Variants in GTF3C4 observed in about 807,000 individuals in gnomAD.
GTF3C4 encodes general transcription factor 3C polypeptide 4.
In GTF3C4, 28 loss-of-function variants were observed where a neutral mutation model predicts 67.5. The ratio of observed to expected loss-of-function variants is 0.41; its 90% CI spans 0.31 to 0.57. The LOEUF is 0.57. GTF3C4 is among the 20% of genes least tolerant of loss of function. GTF3C4 has a pLI of 0.21. For missense variants in GTF3C4, 831 were observed against 1,033.2 expected, an observed-to-expected ratio of 0.80 and a Z score of 2.68; for synonymous variants, 409 against 393.0, an observed-to-expected ratio of 1.04 and a Z score of -0.48.
At position 132,692,606 on chromosome 9, in the gene GTF3C4, CTGT is replaced by C. The variant is rs1288962447; in HGVS notation, c.*3663_*3665del. On this transcript the variant is annotated 3_prime_UTR_variant, in exon 5 of 5. Transcript: ENST00000372146. ...GTCTTTACAATTAGCCCACCATGGA[CTGT>C]TTTGAGTCTCTGCATGGTTTCCATA... The C allele has an allele frequency of 6.7e-6, 1 of 149,680 alleles. No individual in the cohort carries two copies. Among genetic ancestry groups the C allele is most frequent in the African/African-American group, 2.4e-5 (1 of 41,154 alleles). 9.3% of individuals were successfully genotyped at this position (149,680 alleles called of 1,614,324 possible).
chr9:132,676,009 C>T (rs1270832484), intron 1 of GTF3C4, among the ~76,000 whole-genome samples: 1 of 148,392 alleles, frequency 6.7e-6, no homozygotes. Flanking sequence ...TGCCATTCTC[C>T]TTCCTCAGCC....
Position 132,679,305 on chromosome 9 carries a change from A to C in GTF3C4, c.1686A>C (p.Glu562Asp). 6.2e-7 allele frequency: 1 copy of C among 1,614,084 alleles called. No individual in the cohort carries two copies. Among genetic ancestry groups the C allele is most frequent in the Non-Finnish European group, 8.5e-7 (1 of 1,180,014 alleles). ...CTCAATTTTTACAAGAAGCTTTGGAAAAAAAGATTGAAAGCAGTGGAGTCA... is the reference window on the plus strand; with the variant it reads ...CTCAATTTTTACAAGAAGCTTTGGACAAAAAGATTGAAAGCAGTGGAGTCA... ...HIPQFLQEAL[E>D]KKIESSGVTY... The change falls in exon 2 of 5, where the codon GAA becomes GAC. Residue 562 changes from glutamate (E) to aspartate (D), a missense_variant. Physicochemically the swap from Glu to Asp is conservative, Grantham distance 45 (BLOSUM62 2). Coordinates refer to ENST00000372146, the MANE Select transcript of GTF3C4 (RefSeq NM_012204.4). This position sits in a 1 kb window ranked among gnomAD's most constrained non-coding sequence, Gnocchi z 5.9.
At position 132,694,797 on chromosome 9, in the gene GTF3C4, G is replaced by C. The variant is rs1468640393; in HGVS notation, c.*5852G>C. Reference sequence around the variant, plus strand: ...ATTGCTTACATGATTCTGGTACTTAGAGTCTAATAGAGTTGCTGTGAATAT... The same window carrying C: ...ATTGCTTACATGATTCTGGTACTTACAGTCTAATAGAGTTGCTGTGAATAT... On this transcript the variant is annotated 3_prime_UTR_variant, in exon 5 of 5. Coordinates refer to ENST00000372146, the MANE Select transcript of GTF3C4 (RefSeq NM_012204.4). 1 of 152,172 alleles carries C rather than the reference G, an allele frequency of 6.6e-6. No individual in the cohort carries two copies. The highest frequency in any genetic ancestry group is 2.4e-5 in the African/African-American group (1 of 41,422). The allele number at this position is 152,172 out of a possible 1,614,324, so 9.4% of individuals were successfully genotyped here. A position where few individuals can be genotyped will look rare whatever the true frequency, so the allele number is the denominator to read the frequency against.
chr9:132,682,250 A>C (rs948508502), intron 2 of GTF3C4, among the ~76,000 whole-genome samples: 1 of 152,198 alleles, frequency 6.6e-6, no homozygotes, highest in African/African-American at 2.4e-5. Flanking sequence ...TAGAATTCTT[A>C]AGACTGAAAA....
In GTF3C4 at chr9:132,691,519, C is replaced by G. The variant is rs905314241; in HGVS notation, c.*2574C>G. ...CATGTAAAGCACAGGAGCAAAGATT[C>G]GATACAATTAGACCCTTTAAGCTAC... is the stretch of plus-strand genomic sequence containing the variant. On this transcript the variant is annotated 3_prime_UTR_variant, in exon 5 of 5. Transcript: ENST00000372146. 5.3e-5 allele frequency: 8 copies of G among 152,248 alleles called. No homozygotes were observed. In the East Asian group the frequency reaches 1.5e-3, roughly 29 times the overall value. 9.4% of individuals were successfully genotyped at this position (152,248 alleles called of 1,614,324 possible). A position where few individuals can be genotyped will look rare whatever the true frequency, so the allele number is the denominator to read the frequency against.
Position 132,670,953 on chromosome 9 carries a change from A to C in GTF3C4, c.355A>C (p.Lys119Gln). ...CGCACCGCTCAACAGCTGTCTCCTC[A>C]AAGTAAGTCATCCCCCGCCATCCCT... ...VPAPLNSCLLKVGSKTEVAEC... is the reference protein window; with the variant it reads ...VPAPLNSCLLQVGSKTEVAEC... The change falls in exon 1 of 5, where the codon AAA (lysine) becomes CAA (glutamine). Residue 119 changes from lysine to glutamine, a missense_variant and splice_region_variant. By Grantham distance (53) the Lys-to-Gln change is moderately conservative. Coordinates refer to ENST00000372146, the MANE Select transcript of GTF3C4 (RefSeq NM_012204.4). 7 of 1,601,570 alleles carry C rather than the reference A, an allele frequency of 4.4e-6. No homozygotes were observed. The highest frequency in any genetic ancestry group is 6.0e-6 in the Non-Finnish European group (7 of 1,170,628).
Position 132,678,183 on chromosome 9 carries a change from C to CA in GTF3C4, c.566dup (p.Asn189LysfsTer19). On this transcript the variant is annotated frameshift_variant, in exon 2 of 5. Coordinates refer to ENST00000372146, the MANE Select transcript of GTF3C4 (RefSeq NM_012204.4). LOFTEE classifies it high-confidence loss of function. The surrounding 1 kb of genome is among the most constrained non-coding windows in gnomAD (Gnocchi z 6.5). ...GCCTCTTGGCAGCACTGACCATGGA[C>CA]AATCGCCTGACCATCCAGGCAAATC... The CA allele has an allele frequency of 6.2e-7, 1 of 1,614,240 alleles. No homozygotes were observed. The highest frequency in any genetic ancestry group is 8.5e-7 in the Non-Finnish European group (1 of 1,180,024).
At chr9:132,682,793 C>T (rs565960916) in intron 2 of GTF3C4, among the ~76,000 whole-genome samples, 21 of 151,950 alleles carry the variant, frequency 1.4e-4, no homozygotes, top group East Asian at 5.8e-4. Context: ...TTAGTAGAGA[C>T]GGGGTTTCAC....
At chr9:132,685,264 A>G (rs1157930923) in intron 3 of GTF3C4, among the ~76,000 whole-genome samples, 1 of 149,752 alleles carries the variant, frequency 6.7e-6, no homozygotes, top group East Asian at 2.0e-4. Flanking sequence ...CAAGTGATCC[A>G]CCCACCTTGG....
chr9:132,682,453 G>C (rs1446696115), intron 2 of GTF3C4, among the ~76,000 whole-genome samples: 1 of 151,564 alleles, frequency 6.6e-6, no homozygotes, highest in Non-Finnish European at 1.5e-5. Context: ...AAACTAGAAG[G>C]GCGCTATCAC....
intron 1 of GTF3C4, among the ~76,000 whole-genome samples, chr9:132,674,898 G>T (rs1031323573): frequency 5.3e-5 from 8 of 152,194 alleles, no homozygotes; most frequent in Non-Finnish European, 1.0e-4. Flanking sequence ...AGGCATGGTG[G>T]TGTGCACCTG....
chr9:132,670,516 C>G lies in GTF3C4; in HGVS notation c.-83C>G, dbSNP rs948318268. 1.0e-5 allele frequency: 12 copies of G among 1,151,258 alleles called. No homozygotes were observed. Among genetic ancestry groups the G allele is most frequent in the Admixed American group, 7.5e-5 (2 of 26,808 alleles). 71.3% of individuals were successfully genotyped at this position (1,151,258 alleles called of 1,614,324 possible). ...GGGGAGAAAACCGCCGCGGAGGGCG[C>G]TGGGGGTGGCGGCGGCGGTCCGGGA... On this transcript the variant is annotated 5_prime_UTR_variant, in exon 1 of 5. Coordinates refer to ENST00000372146, the MANE Select transcript of GTF3C4 (RefSeq NM_012204.4).
Position 132,691,131 on chromosome 9 carries a change from G to A in GTF3C4, c.*2186G>A, listed in dbSNP as rs505086. 72,447 of 151,970 alleles carry A rather than the reference G, an allele frequency of 0.48. 18,023 individuals carry two copies. Among genetic ancestry groups the A allele is most frequent in the African/African-American group, 0.61 (25,347 of 41,410 alleles). The allele number at this position is 151,970 out of a possible 1,614,324, so 9.4% of individuals were successfully genotyped here. ...ATCTAGCCACCACCTGCCTCCCCCA[G>A]GTTTCCACACACCCAGTTGGAAGGC... On this transcript the variant is annotated 3_prime_UTR_variant, in exon 5 of 5. Coordinates refer to ENST00000372146, the MANE Select transcript of GTF3C4 (RefSeq NM_012204.4).
At chr9:132,676,286 G>A (rs1835863812) in intron 1 of GTF3C4, among the ~76,000 whole-genome samples, 1 of 149,994 alleles carries the variant, frequency 6.7e-6, no homozygotes, top group South Asian at 2.1e-4. Flanking sequence ...AGGCTTAATG[G>A]TCTGTAGTTT....
chr9:132,672,473 C>T (rs978401277), intron 1 of GTF3C4, among the ~76,000 whole-genome samples: 1 of 151,998 alleles, frequency 6.6e-6, no homozygotes, highest in Non-Finnish European at 1.5e-5. Flanking sequence ...AGGCATTCAT[C>T]CCATGTGCAT....
chr9:132,680,316 GAACA>G (rs1400593820), intron 2 of GTF3C4, among the ~76,000 whole-genome samples: 1 of 152,212 alleles, frequency 6.6e-6, no homozygotes, highest in Non-Finnish European at 1.5e-5. Flanking sequence ...TTTGGTAACA[GAACA>G]AACTTACCTA....
At position 132,678,897 on chromosome 9, in the gene GTF3C4, T is replaced by G. The variant is rs749428116; in HGVS notation, c.1278T>G (p.Ile426Met). Reference sequence around the variant, plus strand: ...TCACAGGCCTTCACTCACTGCCAATTGTCTCCATGACTGCAGACAAACAGA... The same window carrying G: ...TCACAGGCCTTCACTCACTGCCAATGGTCTCCATGACTGCAGACAAACAGA... ...SHVTGLHSLP[I>M]VSMTADKQNG... Residue 426 changes from isoleucine to methionine, a missense_variant, in exon 2 of 5, where the codon ATT (isoleucine) becomes ATG (methionine). Physicochemically the swap from Ile to Met is conservative, Grantham distance 10. Coordinates refer to ENST00000372146, the MANE Select transcript of GTF3C4 (RefSeq NM_012204.4). The surrounding 1 kb of genome is among the most constrained non-coding windows in gnomAD (Gnocchi z 6.5). The G allele has an allele frequency of 6.2e-7, 1 of 1,614,240 alleles. No homozygotes were observed. Among genetic ancestry groups the G allele is most frequent in the Non-Finnish European group, 8.5e-7 (1 of 1,180,040 alleles).
chr9:132,693,080 G>T lies in GTF3C4; in HGVS notation c.*4135G>T, dbSNP rs1434525238. 3 of 152,180 alleles carry T rather than the reference G, an allele frequency of 2.0e-5. No homozygotes were observed. The highest frequency in any genetic ancestry group is 4.4e-5 in the Non-Finnish European group (3 of 68,042). The allele number at this position is 152,180 out of a possible 1,614,324, so 9.4% of individuals were successfully genotyped here. A position where few individuals can be genotyped will look rare whatever the true frequency, so the allele number is the denominator to read the frequency against. ...ATCACTATCCCGATGAAGAAGTGGGGTTTTTCAGAAGATTGTAAACTCATT... is the reference window on the plus strand; with the variant it reads ...ATCACTATCCCGATGAAGAAGTGGGTTTTTTCAGAAGATTGTAAACTCATT... On this transcript the variant is annotated 3_prime_UTR_variant, in exon 5 of 5. Transcript: ENST00000372146.
rs770118350 is a variant in GTF3C4 at position 132,690,744 on chromosome 9, G to T, written c.*1799G>T. 3 of 152,168 alleles carry T rather than the reference G, an allele frequency of 2.0e-5. No homozygotes were observed. The highest frequency in any genetic ancestry group is 4.4e-5 in the Non-Finnish European group (3 of 68,038). 9.4% of individuals were successfully genotyped at this position (152,168 alleles called of 1,614,324 possible). A position where few individuals can be genotyped will look rare whatever the true frequency, so the allele number is the denominator to read the frequency against. On this transcript the variant is annotated 3_prime_UTR_variant, in exon 5 of 5. Coordinates refer to ENST00000372146, the MANE Select transcript of GTF3C4 (RefSeq NM_012204.4). ...CATGAGTAACAGAATTCAGAACATT[G>T]TATGGTGGAAGTCATTTGTGTCTGC...
Sources: gnomAD v4.1 joint callset for allele counts (sites outside exome capture counted in the v4.1 genomes callset) on GRCh38, gnomAD v4.1.1 for gene constraint, Gnocchi (gnomAD v3.1) non-coding constraint, MANE v1.5 for transcripts, NCBI Gene and HGNC (gene_info 2026-07-23, HGNC 2026-07-21) for gene names.